Variants in WDR44 observed in about 807,000 individuals in gnomAD.
WDR44 encodes the protein WD repeat-containing protein 44.
In WDR44, 9 loss-of-function variants were observed where a neutral mutation model predicts 65.7. That is an observed-to-expected ratio of 0.14 (90% CI 0.08 to 0.24). The LOEUF (loss-of-function observed/expected upper bound fraction) is 0.24. Among genes scored for constraint, WDR44 ranks in the 10% least tolerant of loss-of-function variants. WDR44 has a pLI of 1.00. For synonymous variants in WDR44, 220 were observed against 235.2 expected, an observed-to-expected ratio of 0.94 and a Z score of 0.59; for missense variants, 425 against 670.9, an observed-to-expected ratio of 0.63 and a Z score of 4.05.
At chrX:118,401,996 G>A (rs6655471) in intron 8 of WDR44, among the ~76,000 whole-genome samples, 28,836 of 108,390 alleles carry the variant, frequency 0.27, 3,176 homozygotes, top group African/African-American at 0.39. Context: ...TCAACTTGCT[G>A]TTTTTTGTTT....
intron 1 of WDR44, among the ~76,000 whole-genome samples, chrX:118,364,031 A>AG (rs1474718498): frequency 1.8e-5 from 2 of 112,559 alleles, no homozygotes; most frequent in East Asian, 5.5e-4. Context: ...ATTAAAGGAA[A>AG]GAAAAACAGC....
chrX:118,390,218 G>A (rs776796556), intron 3 of WDR44, among the ~76,000 whole-genome samples: 4 of 110,799 alleles, frequency 3.6e-5, no homozygotes, highest in South Asian at 3.8e-4. Context: ...CACCGTGTCC[G>A]GTCACAGTGA....
At chrX:118,399,138 T>C in intron 8 of WDR44, among the ~76,000 whole-genome samples, 1 of 112,160 alleles carries the variant, frequency 8.9e-6, no homozygotes, top group Middle Eastern at 4.6e-3. Flanking sequence ...TCCATGGCAA[T>C]TTTCTTTCTT....
intron 6 of WDR44, 74 bp from the exon 7 acceptor site, chrX:118,396,896 G>T: frequency 1.0e-5 from 11 of 1,064,884 alleles, no homozygotes; most frequent in Non-Finnish European, 1.4e-5. Flanking sequence ...AAATTTTAGG[G>T]GATTTTGTAG....
At chrX:118,438,958 A>T (rs898794042) in intron 14 of WDR44, among the ~76,000 whole-genome samples, 4 of 105,761 alleles carry the variant, frequency 3.8e-5, no homozygotes, top group Admixed American at 1.0e-4. Context: ...GCTAATTTTC[A>T]TATTTTTATT....
intron 1 of WDR44, among the ~76,000 whole-genome samples, chrX:118,362,292 C>T (rs1207776274): frequency 8.9e-6 from 1 of 111,934 alleles, no homozygotes; most frequent in East Asian, 2.8e-4. Context: ...AACTGAATCC[C>T]TTTTTAATGA....
chrX:118,402,200 G>A lies in WDR44; in HGVS notation c.1275-2138G>A, dbSNP rs375183153. Among the ~76,000 whole-genome samples, 6 of 106,870 alleles carry A rather than the reference G, an allele frequency of 5.6e-5. No individual in the cohort carries two copies. In the South Asian group the frequency reaches 2.1e-3, roughly 37 times the overall value. 92.8% of individuals were successfully genotyped at this position (106,870 alleles called of 115,157 possible). A position where few individuals can be genotyped will look rare whatever the true frequency, so the allele number is the denominator to read the frequency against. On this transcript the variant is annotated intron_variant, in intron 8 of 19. Coordinates refer to ENST00000254029, the MANE Select transcript of WDR44 (RefSeq NM_019045.5). ...CTGTAATCCAGCACTTTGGGAGGCC[G>A]AGGCAGGTGGATTACCTGAGGTCAG...
intron 8 of WDR44, among the ~76,000 whole-genome samples, chrX:118,398,707 T>A (rs771366409): frequency 1.8e-5 from 2 of 111,796 alleles, no homozygotes; most frequent in African/African-American, 3.3e-5. Flanking sequence ...CAGGCAGATC[T>A]CCTGAGATCA....
At chrX:118,404,100 A>C (rs905284958) in intron 8 of WDR44, among the ~76,000 whole-genome samples, 3 of 112,051 alleles carry the variant, frequency 2.7e-5, no homozygotes, top group African/African-American at 9.7e-5. Context: ...TGAAAACCAA[A>C]GCTCTAGAAT....
intron 12 of WDR44, among the ~76,000 whole-genome samples, chrX:118,427,270 CTTTT>C (rs760339863): frequency 1.1e-5 from 1 of 87,987 alleles, no homozygotes. Flanking sequence ...CCATGCCTGG[CTTTT>C]TTTTTTTTTT....
At chrX:118,377,644 A>G (rs755693017) in intron 1 of WDR44, among the ~76,000 whole-genome samples, 2 of 109,958 alleles carry the variant, frequency 1.8e-5, no homozygotes, top group African/African-American at 6.6e-5. Flanking sequence ...ACAACTATAT[A>G]TGTACATATG....
chrX:118,406,945 A>C lies in WDR44; in HGVS notation c.1452A>C (p.Lys484Asn). The part of the protein sequence containing the change: ...DEGMPYTRPV[K>N]FKAAHGFKGP... Reference sequence around the variant, plus strand: ...GAATGCCATACACAAGACCAGTTAAATTCAAAGCAGCACACGGTTTCAAAG... The same window carrying C: ...GAATGCCATACACAAGACCAGTTAACTTCAAAGCAGCACACGGTTTCAAAG... The change falls in exon 10 of 20, where the codon AAA becomes AAC. Residue 484 changes from lysine (K) to asparagine (N), a missense_variant. This residue lies in a region of WDR44 where 77 missense variants were observed against 183.5 expected (regional missense o/e 0.42). Transcript: ENST00000254029. The C allele has an allele frequency of 1.7e-6, 2 of 1,211,365 alleles. No individual in the cohort carries two copies. The highest frequency in any genetic ancestry group is 2.2e-6 in the Non-Finnish European group (2 of 895,086).
chrX:118,406,564 TATTA>T (rs1273892419), intron 9 of WDR44, among the ~76,000 whole-genome samples: 1 of 111,643 alleles, frequency 9.0e-6, no homozygotes, highest in African/African-American at 3.3e-5. Context: ...CTTTTACCTG[TATTA>T]ATTCATTTAA....
rs892858473 is a variant in WDR44, at chrX:118,370,347, C to G, written c.78-8072C>G. Among the ~76,000 whole-genome samples the G allele has an allele frequency of 6.3e-5, 7 of 111,037 alleles. No homozygotes were observed. The Admixed American group carries it at 6.7e-4, about 11-fold the overall frequency. ...AGTGGGAGGTGTTTCAGTCATGGGGCAGATCCCTCATGAATGTCTTGGTGC... is the reference window on the plus strand; with the variant it reads ...AGTGGGAGGTGTTTCAGTCATGGGGGAGATCCCTCATGAATGTCTTGGTGC... On this transcript the variant is annotated intron_variant, in intron 1 of 19. Transcript: ENST00000254029.
At chrX:118,431,925 C>T (rs2057215206) in intron 12 of WDR44, among the ~76,000 whole-genome samples, 1 of 108,298 alleles carries the variant, frequency 9.2e-6, no homozygotes, top group Non-Finnish European at 1.9e-5. Flanking sequence ...TTTGTTTTTA[C>T]TAATTTCTTC....
At chrX:118,386,903 T>C (rs5956046) in intron 2 of WDR44, among the ~76,000 whole-genome samples, 47,739 of 110,094 alleles carry the variant, frequency 0.43, 10,819 homozygotes, top group African/African-American at 0.86. Context: ...CCCTTTAGGC[T>C]GGGCACAGTG....
chrX:118,393,664 C>T (rs1181166542), intron 4 of WDR44, among the ~76,000 whole-genome samples: 1 of 111,231 alleles, frequency 9.0e-6, no homozygotes, highest in African/African-American at 3.3e-5. Flanking sequence ...ACCTTTCTGC[C>T]TTTATTTCAC....
At chrX:118,410,364 T>G (rs777940665) in intron 11 of WDR44, among the ~76,000 whole-genome samples, 1 of 111,952 alleles carries the variant, frequency 8.9e-6, no homozygotes, top group Admixed American at 9.5e-5. Flanking sequence ...ACTGGCAAGC[T>G]AGACCTCATA....
chrX:118,413,545 C>G (rs1428528060), intron 12 of WDR44, among the ~76,000 whole-genome samples: 1 of 110,968 alleles, frequency 9.0e-6, no homozygotes, highest in Non-Finnish European at 1.9e-5. Context: ...TTTTTTCTTA[C>G]TGATTTGTTT....
Sources: gnomAD v4.1 joint callset for allele counts (sites outside exome capture counted in the v4.1 genomes callset) on GRCh38, gnomAD v4.1.1 for gene constraint, gnomAD v4.1.1 regional missense constraint, MANE v1.5 for transcripts, NCBI Gene and HGNC (gene_info 2026-07-23, HGNC 2026-07-21) for gene names.